RAB21: variants seen among roughly 807,000 people sequenced by gnomAD.
The protein encoded by RAB21 is RAB21, member RAS oncogene family.
In RAB21, 13 loss-of-function variants were observed where a neutral mutation model predicts 33.1. The observed-to-expected ratio is 0.39, with a 90% CI of 0.26 to 0.62. RAB21 has a LOEUF of 0.62. Among genes scored for constraint, RAB21 ranks in the 20% least tolerant of loss-of-function variants. RAB21 has a pLI of 0.48. For synonymous variants in RAB21, 91 were observed against 103.7 expected (o/e 0.88, Z 0.74); for missense variants, 234 against 279.1 (o/e 0.84, Z 1.15).
At chr12:71,782,146 G>A (rs377085606) in intron 5 of RAB21, 61 bp downstream of exon 5, 429 of 1,460,724 alleles carry the variant, frequency 2.9e-4, no homozygotes, top group Non-Finnish European at 3.4e-4. Flanking sequence ...CTCTTTATAC[G>A]TTTTGCTTTA....
intron 2 of RAB21, among the ~76,000 whole-genome samples, chr12:71,770,155 A>C (rs12298468): frequency 6.6e-6 from 1 of 151,922 alleles, no homozygotes; most frequent in African/African-American, 2.4e-5. Context: ...GCCTTCTAAG[A>C]GAATGGCTGG....
Position 71,790,587 on chromosome 12 carries a change from A to G in RAB21, c.*4914A>G, listed in dbSNP as rs1458867117. 6.6e-6 allele frequency: 1 copy of G among 152,182 alleles called. No individual in the cohort carries two copies. Among genetic ancestry groups the G allele is most frequent in the Non-Finnish European group, 1.5e-5 (1 of 68,032 alleles). The allele number at this position is 152,182 out of a possible 1,614,324, so 9.4% of individuals were successfully genotyped here. On this transcript the variant is annotated 3_prime_UTR_variant, in exon 7 of 7. Coordinates refer to ENST00000261263, the MANE Select transcript of RAB21 (RefSeq NM_014999.4). Reference sequence around the variant, plus strand: ...AAAATGTTCTAGGAAAAGAATAAAAAACATATATTGTCAAAGTGCCCTTTG... The same window carrying G: ...AAAATGTTCTAGGAAAAGAATAAAAGACATATATTGTCAAAGTGCCCTTTG...
At chr12:71,781,910 T>A in intron 4 of RAB21, 121 bp from the exon 5 acceptor site, 1 of 687,878 alleles carries the variant, frequency 1.5e-6, no homozygotes. Flanking sequence ...ATTAGAAGTC[T>A]GGTGGGGATT....
chr12:71,785,121 T>C (rs144168148), intron 6 of RAB21, among the ~76,000 whole-genome samples: 155 of 152,224 alleles, frequency 1.0e-3, no homozygotes, highest in Admixed American at 2.4e-3. Context: ...AAAAGAATCA[T>C]TTACTTAAAA....
At chr12:71,755,323 G>A in intron 1 of RAB21, 35 bp downstream of exon 1, 2 of 1,479,522 alleles carry the variant, frequency 1.4e-6, no homozygotes, top group Non-Finnish European at 8.9e-7. Context: ...GGGCGCCTCA[G>A]GGCCCCTACC....
Position 71,755,138 on chromosome 12 carries a change from GGCC to G in RAB21, c.11_13del (p.Ala4del), listed in dbSNP as rs1565881425. ...GGCCGGGAAGCGACGGGATGGCTGCGGCCGGCGGCGGCGGCGGCGGGGCGGCGG... is the reference window on the plus strand; with the variant it reads ...GGCCGGGAAGCGACGGGATGGCTGCGGGCGGCGGCGGCGGCGGGGCGGCGG... On this transcript the variant is annotated inframe_deletion, in exon 1 of 7. Transcript: ENST00000261263. 3 of 1,253,100 alleles carry G rather than the reference GGCC, an allele frequency of 2.4e-6. No individual in the cohort carries two copies. Among genetic ancestry groups the G allele is most frequent in the East Asian group, 3.4e-5 (1 of 29,820 alleles). 77.6% of individuals were successfully genotyped at this position (1,253,100 alleles called of 1,614,324 possible).
In RAB21 at chr12:71,800,088, A is replaced by T. The variant is rs1156462232; in HGVS notation, c.*14415A>T. The T allele has an allele frequency of 2.6e-5, 4 of 151,950 alleles. No homozygotes were observed. The highest frequency in any genetic ancestry group is 7.3e-5 in the African/African-American group (3 of 41,370). The allele number at this position is 151,950 out of a possible 1,614,324, so 9.4% of individuals were successfully genotyped here. A position where few individuals can be genotyped will look rare whatever the true frequency, so the allele number is the denominator to read the frequency against. ...ACTCTATCTCAAAAAAAAAAAAAAA[A>T]AAATTAATTGCACATGAAGTATACA... On this transcript the variant is annotated 3_prime_UTR_variant, in exon 7 of 7. Transcript: ENST00000261263.
chr12:71,770,321 C>A (rs932596758), intron 2 of RAB21, among the ~76,000 whole-genome samples: 2 of 152,080 alleles, frequency 1.3e-5, no homozygotes, highest in African/African-American at 4.8e-5. Context: ...GCAACTGAAA[C>A]TGGTATTTTA....
At position 71,791,476 on chromosome 12, in the gene RAB21, G is replaced by C. The variant is rs1251241277; in HGVS notation, c.*5803G>C. On this transcript the variant is annotated 3_prime_UTR_variant, in exon 7 of 7. Transcript: ENST00000261263. ...TTAGCAGATTCTTTTATCAGAATAC[G>C]TTTTTTATTGGAGGGAAGAAGGAAA... The C allele has an allele frequency of 1.3e-5, 2 of 152,112 alleles. No individual in the cohort carries two copies. The highest frequency in any genetic ancestry group is 4.8e-5 in the African/African-American group (2 of 41,422). The allele number at this position is 152,112 out of a possible 1,614,324, so 9.4% of individuals were successfully genotyped here.
In RAB21 at chr12:71,792,733, A is replaced by G. The variant is rs984847630; in HGVS notation, c.*7060A>G. On this transcript the variant is annotated 3_prime_UTR_variant, in exon 7 of 7. Coordinates refer to ENST00000261263, the MANE Select transcript of RAB21 (RefSeq NM_014999.4). ...ACAAACTGCTATGTGCCCAGTGTAC[A>G]TACATGGGAGAACCAGATAGCCAAA... 1 of 152,200 alleles carries G rather than the reference A, an allele frequency of 6.6e-6. No homozygotes were observed. 9.4% of individuals were successfully genotyped at this position (152,200 alleles called of 1,614,324 possible).
In RAB21 at chr12:71,787,379, A is replaced by AT. The variant is rs1883310929; in HGVS notation, c.*1712dup. On this transcript the variant is annotated 3_prime_UTR_variant, in exon 7 of 7. Coordinates refer to ENST00000261263, the MANE Select transcript of RAB21 (RefSeq NM_014999.4). ...AAATTGTTCTTGTTCTAATATATAT[A>AT]TTTTTTCATTTCTGTCGTGCTTGGA... The AT allele has an allele frequency of 6.6e-6, 1 of 152,014 alleles. No homozygotes were observed. The highest frequency in any genetic ancestry group is 6.6e-5 in the Admixed American group (1 of 15,248). The allele number at this position is 152,014 out of a possible 1,614,324, so 9.4% of individuals were successfully genotyped here. A position where few individuals can be genotyped will look rare whatever the true frequency, so the allele number is the denominator to read the frequency against.
At position 71,786,612 on chromosome 12, in the gene RAB21, T is replaced by C. The variant is rs1031194284; in HGVS notation, c.*939T>C. ...AGGTGCAAAAATATATACAATAGTC[T>C]CATTGATGACTGTAAAGTGAATTAA... On this transcript the variant is annotated 3_prime_UTR_variant, in exon 7 of 7. Coordinates refer to ENST00000261263, the MANE Select transcript of RAB21 (RefSeq NM_014999.4). The C allele has an allele frequency of 6.6e-6, 1 of 152,648 alleles. No homozygotes were observed. The highest frequency in any genetic ancestry group is 2.4e-5 in the African/African-American group (1 of 41,454). 9.5% of individuals were successfully genotyped at this position (152,648 alleles called of 1,614,324 possible). A position where few individuals can be genotyped will look rare whatever the true frequency, so the allele number is the denominator to read the frequency against.
chr12:71,778,268 G>A (rs1400112565), intron 4 of RAB21, among the ~76,000 whole-genome samples: 1 of 152,160 alleles, frequency 6.6e-6, no homozygotes. Context: ...CTTGGCTGTG[G>A]TTGATAGTAT....
intron 1 of RAB21, among the ~76,000 whole-genome samples, chr12:71,763,097 GCA>G (rs926924426): frequency 2.0e-5 from 1 of 50,310 alleles, no homozygotes; most frequent in Non-Finnish European, 5.7e-5. Flanking sequence ...TATTTATTTT[GCA>G]CGCACACACA....
intron 1 of RAB21, among the ~76,000 whole-genome samples, chr12:71,766,419 A>G (rs1565886821): frequency 6.6e-6 from 1 of 152,058 alleles, no homozygotes; most frequent in African/African-American, 2.4e-5. Context: ...CTTATGCCTC[A>G]TTTTCCACAT....
intron 1 of RAB21, among the ~76,000 whole-genome samples, chr12:71,763,490 AT>A (rs1193513383): frequency 1.3e-5 from 2 of 150,266 alleles, no homozygotes; most frequent in East Asian, 3.9e-4. Flanking sequence ...TTACCTGTCG[AT>A]TTTTTTTTAA....
At chr12:71,762,566 A>T (rs1353941269) in intron 1 of RAB21, among the ~76,000 whole-genome samples, 1 of 151,770 alleles carries the variant, frequency 6.6e-6, no homozygotes, top group Non-Finnish European at 1.5e-5. Flanking sequence ...CGGCCTCCCA[A>T]AGTGCTGGGA....
intron 4 of RAB21, among the ~76,000 whole-genome samples, chr12:71,775,070 G>A (rs987034297): frequency 6.6e-6 from 1 of 152,172 alleles, no homozygotes; most frequent in Non-Finnish European, 1.5e-5. Context: ...CAGGGTGGAG[G>A]AATATTCCTA....
chr12:71,758,680 A>G (rs997252913), intron 1 of RAB21, among the ~76,000 whole-genome samples: 2 of 150,202 alleles, frequency 1.3e-5, no homozygotes, highest in African/African-American at 2.5e-5. Flanking sequence ...AGGTTTTGCT[A>G]TGTTGCCCAG....
Sources: allele counts gnomAD v4.1 joint callset (sites outside exome capture counted in the v4.1 genomes callset), GRCh38; gene constraint gnomAD v4.1.1; transcripts MANE v1.5; gene names NCBI Gene and HGNC (gene_info 2026-07-23, HGNC 2026-07-21).